The following ERC1 variants were observed in gnomAD, a reference collection of about 807,000 sequenced individuals.
ERC1 encodes the protein ELKS/RAB6-interacting/CAST family member 1, also known as RAB6 interacting protein 2.
In ERC1, 56 loss-of-function variants were observed where a neutral mutation model predicts 132.0. The ratio of observed to expected loss-of-function variants is 0.42; its 90% confidence interval spans 0.34 to 0.53. ERC1 has a LOEUF of 0.53. Ranked by LOEUF, ERC1 falls within the 20% of genes least tolerant of loss-of-function variation. ERC1 has a pLI of 0.03. For synonymous variants in ERC1, 478 were observed against 476.1 expected (o/e 1.00, Z -0.05); for missense variants, 1,202 against 1,349.9 (o/e 0.89, Z 1.72).
At chr12:1,163,286 A>G (rs1952048843) in intron 8 of ERC1, among the ~76,000 whole-genome samples, 1 of 152,178 alleles carries the variant, frequency 6.6e-6, no homozygotes, top group Non-Finnish European at 1.5e-5. Context: ...GTTATAGTGT[A>G]AATCTTTTAA....
At chr12:1,344,461 G>A (rs2084241197) in intron 15 of ERC1, among the ~76,000 whole-genome samples, 2 of 152,150 alleles carry the variant, frequency 1.3e-5, no homozygotes, top group African/African-American at 4.8e-5. Context: ...ACCACATGAA[G>A]GCTTGTGCTG....
In ERC1 at chr12:1,122,627, C is replaced by CTGTATATA. The variant is rs1399946089; in HGVS notation, c.1569+6595_1569+6596insGTATATAT. On this transcript the variant is annotated intron_variant, in intron 7 of 18. Coordinates refer to ENST00000360905, the MANE Select transcript of ERC1 (RefSeq NM_178040.4). The stretch of plus-strand genomic sequence containing the variant: ...TCTCTATCTCTATCTCTATCTGTGT[C>CTGTATATA]TCTATCTCTATCTCTATCTCTATCT... Among the ~76,000 whole-genome samples the CTGTATATA allele has an allele frequency of 4.6e-3, 28 of 6,040 alleles. 8 individuals are homozygous for CTGTATATA. The highest frequency in any genetic ancestry group is 0.029 in the East Asian group (4 of 136). The allele number at this position is 6,040 out of a possible 152,430, so 4.0% of individuals were successfully genotyped here. A position where few individuals can be genotyped will look rare whatever the true frequency, so the allele number is the denominator to read the frequency against.
intron 3 of ERC1, among the ~76,000 whole-genome samples, chr12:1,094,988 A>G (rs1191008669): frequency 6.6e-6 from 1 of 152,126 alleles, no homozygotes; most frequent in Non-Finnish European, 1.5e-5. Flanking sequence ...TCCTTGAACC[A>G]AGGGTGCTGA....
chr12:1,358,515 A>G (rs886973683), intron 15 of ERC1, among the ~76,000 whole-genome samples: 1 of 152,190 alleles, frequency 6.6e-6, no homozygotes, highest in African/African-American at 2.4e-5. Flanking sequence ...GGTCTTTTAA[A>G]TCAGCTCGTC....
intron 1 of ERC1, among the ~76,000 whole-genome samples, chr12:1,006,249 A>G (rs1424853270): frequency 6.6e-6 from 1 of 151,872 alleles, no homozygotes. Context: ...GAACCACTGC[A>G]CCTGGCCAGT....
intron 12 of ERC1, among the ~76,000 whole-genome samples, chr12:1,229,189 C>T (rs1414876682): frequency 6.6e-6 from 1 of 152,140 alleles, no homozygotes; most frequent in South Asian, 2.1e-4. Context: ...AGTCTTCTTT[C>T]TTGTTATTGG....
chr12:1,402,729 TAGAG>T (rs1208243723), intron 16 of ERC1, among the ~76,000 whole-genome samples: 8 of 152,066 alleles, frequency 5.3e-5, no homozygotes, highest in Middle Eastern at 3.4e-3. Flanking sequence ...AGCTAGCTCT[TAGAG>T]AGGATTTAAT....
intron 16 of ERC1, among the ~76,000 whole-genome samples, chr12:1,375,898 G>A (rs4421802): frequency 0.29 from 44,186 of 151,598 alleles, 6,637 homozygotes; most frequent in Middle Eastern, 0.34. Context: ...CACCGCGCCC[G>A]GCTAATTTTT....
chr12:1,247,778 C>T (rs936248705), intron 13 of ERC1, among the ~76,000 whole-genome samples: 1 of 152,118 alleles, frequency 6.6e-6, no homozygotes, highest in Non-Finnish European at 1.5e-5. Context: ...GGGTGGATCA[C>T]CTGAGGTCAG....
chr12:1,481,682 G>C (rs1011009526), intron 18 of ERC1, among the ~76,000 whole-genome samples: 1 of 152,124 alleles, frequency 6.6e-6, no homozygotes, highest in Non-Finnish European at 1.5e-5. Flanking sequence ...TAAACTTTTC[G>C]ATTCTGTGAT....
intron 17 of ERC1, among the ~76,000 whole-genome samples, chr12:1,410,029 A>G (rs1302345271): frequency 6.6e-6 from 1 of 152,100 alleles, no homozygotes; most frequent in South Asian, 2.1e-4. Flanking sequence ...ACTTTAAATC[A>G]TCTCTAGATT....
intron 3 of ERC1, among the ~76,000 whole-genome samples, chr12:1,099,215 AAG>A (rs1944388664): frequency 2.0e-5 from 3 of 152,300 alleles, no homozygotes; most frequent in Admixed American, 6.5e-5. Flanking sequence ...TTAAAATAAA[AAG>A]AGTGAATGGG....
intron 12 of ERC1, among the ~76,000 whole-genome samples, chr12:1,219,635 C>CTTTTTTTTTTTTT (rs775838825): frequency 7.1e-6 from 1 of 140,744 alleles, no homozygotes. Flanking sequence ...ACTGAACTCT[C>CTTTTTTTTTTTTT]TTTTTTTTTT....
At position 1,236,860 on chromosome 12, in the gene ERC1, C is replaced by T. The variant is rs761873375; in HGVS notation, c.2443C>T (p.Arg815Ter). Residue 815 changes from arginine (R) to a stop codon, truncating the protein, a stop_gained, in exon 13 of 19, where the codon CGA (arginine) becomes TGA (stop). Coordinates refer to ENST00000360905, the MANE Select transcript of ERC1 (RefSeq NM_178040.4). LOFTEE classifies it high-confidence loss of function. ...GAGTGCACAAATGTTAGAGGAGGCG[C>T]GACGACGGGAGGACAATCTCAACGA... ...KKSAQMLEEA[R>*]RREDNLNDSS... 5 of 1,613,904 alleles carry T rather than the reference C, an allele frequency of 3.1e-6. No individual in the cohort carries two copies. Among genetic ancestry groups the T allele is most frequent in the East Asian group, 4.5e-5 (2 of 44,900 alleles).
rs1403619647 is a variant in ERC1, at chr12:1,490,731, G to C, written c.*501G>C. On this transcript the variant is annotated 3_prime_UTR_variant, in exon 19 of 19. Transcript: ENST00000360905. ...CTCAAAAAGATTAGAAAAAGAGAAG[G>C]GGGGAAGGGAAGAGAAAATCGACTC... 8.5e-6 allele frequency: 2 copies of C among 233,972 alleles called. No homozygotes were observed. The highest frequency in any genetic ancestry group is 1.8e-4 in the South Asian group (1 of 5,586). The allele number at this position is 233,972 out of a possible 1,614,324, so 14.5% of individuals were successfully genotyped here. A position where few individuals can be genotyped will look rare whatever the true frequency, so the allele number is the denominator to read the frequency against.
chr12:1,010,737 T>C (rs1375726146), intron 1 of ERC1, among the ~76,000 whole-genome samples: 1 of 151,910 alleles, frequency 6.6e-6, no homozygotes, highest in Non-Finnish European at 1.5e-5. Flanking sequence ...GGCCTTGAAC[T>C]CCTGACCTCA....
intron 8 of ERC1, among the ~76,000 whole-genome samples, chr12:1,160,760 T>A (rs1161340150): frequency 6.6e-6 from 1 of 152,154 alleles, no homozygotes; most frequent in East Asian, 1.9e-4. Flanking sequence ...CTTCTTTAAA[T>A]TTTCTTTTTC....
At chr12:1,470,242 C>T (rs73028396) in intron 18 of ERC1, among the ~76,000 whole-genome samples, 2,373 of 151,928 alleles carry the variant, frequency 0.016, 29 homozygotes, top group Non-Finnish European at 0.027. Context: ...CAACCCTGGA[C>T]GTAGAGGGTG....
chr12:1,028,424 T>C lies in ERC1; in HGVS notation c.521T>C (p.Val174Ala). Residue 174 changes from valine to alanine, a missense_variant, in exon 2 of 19, where the codon GTA (valine) becomes GCA (alanine). Coordinates refer to ENST00000360905, the MANE Select transcript of ERC1 (RefSeq NM_178040.4). ...GATCTCTTGCGGAAGGATGTGGAAGTAAAGGAGAGCAAATTGAGTTCTTCA... is the reference window on the plus strand; with the variant it reads ...GATCTCTTGCGGAAGGATGTGGAAGCAAAGGAGAGCAAATTGAGTTCTTCA... ...ENDLLRKDVE[V>A]KESKLSSSMN... The C allele has an allele frequency of 1.9e-6, 3 of 1,614,024 alleles. No individual in the cohort carries two copies. Among genetic ancestry groups the C allele is most frequent in the Non-Finnish European group, 2.5e-6 (3 of 1,180,004 alleles).
Sources: allele counts gnomAD v4.1 joint callset (sites outside exome capture counted in the v4.1 genomes callset), GRCh38; gene constraint gnomAD v4.1.1; transcripts MANE v1.5; gene names NCBI Gene and HGNC (gene_info 2026-07-23, HGNC 2026-07-21).